MBD5: variants seen among roughly 807,000 people sequenced by gnomAD.
The protein encoded by MBD5 is methyl-CpG-binding domain protein 5.
Under a neutral mutation model 117.3 loss-of-function variants are expected in MBD5, and 13 were observed. The observed-to-expected ratio is 0.11, with a 90% CI of 0.07 to 0.18. MBD5 has a LOEUF of 0.18. Among genes scored for constraint, MBD5 ranks in the 10% least tolerant of loss-of-function variants. MBD5 has a pLI of 1.00. For synonymous variants in MBD5, 727 were observed against 766.4 expected, an observed-to-expected ratio of 0.95 and a Z score of 0.85; for missense variants, 1,879 against 2,093.8, an observed-to-expected ratio of 0.90 and a Z score of 2.00.
intron 1 of MBD5, among the ~76,000 whole-genome samples, chr2:148,067,887 G>T (rs1695247555): frequency 6.6e-6 from 1 of 152,156 alleles, no homozygotes; most frequent in Admixed American, 6.5e-5. Flanking sequence ...CTCTAGCTCT[G>T]TTTCCTTGGT....
rs544684798 is a variant in MBD5 at position 148,252,626 on chromosome 2, T to G, written c.-680+19231T>G. ...GTGCAATGGTGCAATCATGGCTCAC[T>G]GCAGCCTCGACCTCCCAGGCTCAGG... On this transcript the variant is annotated intron_variant, in intron 3 of 13. Coordinates refer to ENST00000642680, the MANE Select transcript of MBD5 (RefSeq NM_001378120.1). 1.2e-4 allele frequency among the ~76,000 whole-genome samples: 18 copies of G among 152,312 alleles called. No homozygotes were observed. The South Asian group carries it at 3.3e-3, about 28-fold the overall frequency.
chr2:148,339,735 A>G (rs1702888996), intron 3 of MBD5, among the ~76,000 whole-genome samples: 1 of 152,168 alleles, frequency 6.6e-6, no homozygotes, highest in African/African-American at 2.4e-5. Flanking sequence ...TTTTGGTCAC[A>G]TACTCTATAC....
chr2:148,381,765 A>T (rs1393214188), intron 4 of MBD5, among the ~76,000 whole-genome samples: 19 of 152,234 alleles, frequency 1.2e-4, no homozygotes, highest in Non-Finnish European at 2.9e-5. Flanking sequence ...ATCTCTCAGC[A>T]GAAACTCTAC....
At chr2:148,463,962 G>A in intron 7 of MBD5, 43 bp downstream of exon 7, 1 of 1,593,334 alleles carries the variant, frequency 6.3e-7, no homozygotes, top group South Asian at 1.1e-5. Context: ...CCTCTCCCTA[G>A]AGAAGGAGTT....
At chr2:148,302,405 C>T (rs887637622) in intron 3 of MBD5, among the ~76,000 whole-genome samples, 2 of 152,156 alleles carry the variant, frequency 1.3e-5, no homozygotes, top group Admixed American at 6.5e-5. Flanking sequence ...TTTATTTTAA[C>T]CTTTAAAGCT....
At chr2:148,062,815 C>T (rs1695076092) in intron 1 of MBD5, among the ~76,000 whole-genome samples, 1 of 152,058 alleles carries the variant, frequency 6.6e-6, no homozygotes, top group East Asian at 1.9e-4. Flanking sequence ...AAAAAAATCA[C>T]ACTCTTTTTC....
intron 7 of MBD5, among the ~76,000 whole-genome samples, chr2:148,465,647 G>A (rs943577463): frequency 6.6e-6 from 1 of 152,000 alleles, no homozygotes; most frequent in East Asian, 1.9e-4. Context: ...AATGAGTGTC[G>A]CATAATAAGG....
chr2:148,462,770 T>G, intron 6 of MBD5, 86 bp downstream of exon 6: 1 of 840,572 alleles, frequency 1.2e-6, no homozygotes, highest in Non-Finnish European at 2.0e-6. Context: ...ATTTTATTTT[T>G]TATTACTTCT....
intron 4 of MBD5, among the ~76,000 whole-genome samples, chr2:148,349,543 G>A (rs756357308): frequency 6.6e-5 from 10 of 151,846 alleles, no homozygotes; most frequent in Non-Finnish European, 1.3e-4. Flanking sequence ...CACAACTTAA[G>A]TCACAACGTG....
At chr2:148,231,210 C>CACTGATG (rs1699977226) in intron 2 of MBD5, among the ~76,000 whole-genome samples, 1 of 152,198 alleles carries the variant, frequency 6.6e-6, no homozygotes, top group African/African-American at 2.4e-5. Flanking sequence ...ATGAGGCTTG[C>CACTGATG]AGGAACTCAA....
In MBD5 at chr2:148,513,122, A is replaced by C; in HGVS notation, c.*181A>C. The C allele has an allele frequency of 1.6e-6, 1 of 620,322 alleles. No homozygotes were observed. Among genetic ancestry groups the C allele is most frequent in the Non-Finnish European group, 2.9e-6 (1 of 350,374 alleles). The allele number at this position is 620,322 out of a possible 1,614,324, so 38.4% of individuals were successfully genotyped here. ...TTTTTTTGATCAGGAAGGATAATGA[A>C]TGCTGGAAAAGCCAATCAAAGTCTC... is the stretch of plus-strand genomic sequence containing the variant. On this transcript the variant is annotated 3_prime_UTR_variant, in exon 14 of 14. Coordinates refer to ENST00000642680, the MANE Select transcript of MBD5 (RefSeq NM_001378120.1).
chr2:148,413,175 G>T (rs1156269970), intron 4 of MBD5, among the ~76,000 whole-genome samples: 3 of 152,052 alleles, frequency 2.0e-5, no homozygotes, highest in African/African-American at 4.8e-5. Flanking sequence ...TAACATAAAA[G>T]ATGTTAAATT....
intron 4 of MBD5, among the ~76,000 whole-genome samples, chr2:148,355,538 T>C (rs1327415044): frequency 1.3e-5 from 2 of 152,272 alleles, no homozygotes; most frequent in African/African-American, 4.8e-5. Context: ...AAATAGGGGA[T>C]CCTTTCCCCA....
intron 1 of MBD5, among the ~76,000 whole-genome samples, chr2:148,031,378 AGT>A (rs1694035891): frequency 6.6e-6 from 1 of 152,064 alleles, no homozygotes; most frequent in African/African-American, 2.4e-5. Context: ...AGTTAATCAC[AGT>A]GTGCTTTTGG....
At chr2:148,416,125 A>G (rs913432074) in intron 4 of MBD5, among the ~76,000 whole-genome samples, 3 of 151,994 alleles carry the variant, frequency 2.0e-5, no homozygotes, top group Admixed American at 2.0e-4. Flanking sequence ...TGTCCTCTGG[A>G]TAGGGTTTCT....
At chr2:148,415,453 A>G (rs1025570040) in intron 4 of MBD5, among the ~76,000 whole-genome samples, 2 of 152,010 alleles carry the variant, frequency 1.3e-5, no homozygotes, top group Non-Finnish European at 2.9e-5. Flanking sequence ...GAGGATGTTC[A>G]TCTTGTATAG....
chr2:148,288,760 GA>G (rs571699591), intron 3 of MBD5, among the ~76,000 whole-genome samples: 42 of 147,206 alleles, frequency 2.9e-4, no homozygotes, highest in South Asian at 1.1e-3. Context: ...TAATAAAAAG[GA>G]AAAAAAAACA....
intron 1 of MBD5, among the ~76,000 whole-genome samples, chr2:148,066,178 C>T (rs1027853443): frequency 2.0e-5 from 3 of 151,962 alleles, no homozygotes; most frequent in African/African-American, 4.8e-5. Flanking sequence ...TGGTGTTGTG[C>T]GCCTGTCATC....
chr2:148,248,940 T>C (rs780568626), intron 3 of MBD5, among the ~76,000 whole-genome samples: 1 of 152,114 alleles, frequency 6.6e-6, no homozygotes. Context: ...ACTGGGATCA[T>C]TGATTATCCG....
Sources: allele counts gnomAD v4.1 joint callset (sites outside exome capture counted in the v4.1 genomes callset), GRCh38; gene constraint gnomAD v4.1.1; transcripts MANE v1.5; gene names NCBI Gene and HGNC (gene_info 2026-07-23, HGNC 2026-07-21).